Variants in TPBGL observed in about 807,000 individuals in gnomAD.
TPBGL encodes the protein trophoblast glycoprotein like, also known as trophoblast glycoprotein-like.
For missense variants in TPBGL, 685 were observed against 609.4 expected, an observed-to-expected ratio of 1.12 and a Z score of -1.31; for synonymous variants, 380 against 314.8, an observed-to-expected ratio of 1.21 and a Z score of -2.19.
In TPBGL at chr11:75,240,849, T is replaced by C; in HGVS notation, c.-201T>C. The C allele has an allele frequency of 3.1e-6, 1 of 322,774 alleles. No homozygotes were observed. The highest frequency in any genetic ancestry group is 5.4e-5 in the East Asian group (1 of 18,400). 20.0% of individuals were successfully genotyped at this position (322,774 alleles called of 1,614,324 possible). On this transcript the variant is annotated 5_prime_UTR_variant, in exon 1 of 1. Transcript: ENST00000562197. Reference sequence around the variant, plus strand: ...GGCGAGGGCACCGGGGGCGGGGGGCTCCGCTCCCCGTCTGACCCCTCTTGC... The same window carrying C: ...GGCGAGGGCACCGGGGGCGGGGGGCCCCGCTCCCCGTCTGACCCCTCTTGC...
Position 75,242,310 on chromosome 11 carries a change from A to AC in TPBGL, c.*115dup, listed in dbSNP as rs1945608284. ...CCCTGACTCGGAGGCGCTAAGCCGT[A>AC]CCCTCTCGTTCCCGCCTCCGAGAGC... is the stretch of plus-strand genomic sequence containing the variant. On this transcript the variant is annotated 3_prime_UTR_variant, in exon 1 of 1. Coordinates refer to ENST00000562197, the MANE Select transcript of TPBGL (RefSeq NM_001195528.2). 1 of 1,035,184 alleles carries AC rather than the reference A, an allele frequency of 9.7e-7. No homozygotes were observed. Among genetic ancestry groups the AC allele is most frequent in the African/African-American group, 1.7e-5 (1 of 58,154 alleles). The allele number at this position is 1,035,184 out of a possible 1,614,324, so 64.1% of individuals were successfully genotyped here.
Position 75,241,505 on chromosome 11 carries a change from G to C in TPBGL, c.456G>C (p.Ala152=). The stretch of plus-strand genomic sequence containing the variant: ...TGCGCTCGCTGCAGCTCAACCACGC[G>C]CTGGTGCGCGGCGGCCCCGCGCTGC... ...PALRSLQLNH[A]LVRGGPALLA... Residue 152 remains alanine (A), a synonymous_variant, in exon 1 of 1, where the codon GCG becomes GCC. Transcript: ENST00000562197. 6 of 1,222,760 alleles carry C rather than the reference G, an allele frequency of 4.9e-6. No homozygotes were observed. Among genetic ancestry groups the C allele is most frequent in the Non-Finnish European group, 6.1e-6 (6 of 984,020 alleles). The allele number at this position is 1,222,760 out of a possible 1,614,324, so 75.7% of individuals were successfully genotyped here.
At position 75,241,185 on chromosome 11, in the gene TPBGL, G is replaced by C; in HGVS notation, c.136G>C (p.Gly46Arg). ...GPKLLLRCAS[G>R]AELRQPPRDV... ...CAAGCTGCTGCTGCGCTGCGCGTCG[G>C]GAGCCGAGCTCCGCCAGCCTCCGCG... is the stretch of plus-strand genomic sequence containing the variant. The change falls in exon 1 of 1, where the codon GGA becomes CGA. Residue 46 changes from glycine (G) to arginine (R), a missense_variant. Physicochemically the swap from Gly to Arg is moderately radical, Grantham distance 125. Transcript: ENST00000562197. 1 of 1,452,168 alleles carries C rather than the reference G, an allele frequency of 6.9e-7. No homozygotes were observed. Among genetic ancestry groups the C allele is most frequent in the Non-Finnish European group, 9.0e-7 (1 of 1,105,108 alleles). 90.0% of individuals were successfully genotyped at this position (1,452,168 alleles called of 1,614,324 possible). A position where few individuals can be genotyped will look rare whatever the true frequency, so the allele number is the denominator to read the frequency against.
Position 75,241,449 on chromosome 11 carries a change from G to C in TPBGL, c.400G>C (p.Gly134Arg), listed in dbSNP as rs1422023985. The C allele has an allele frequency of 5.5e-6, 7 of 1,279,200 alleles. No homozygotes were observed. The highest frequency in any genetic ancestry group is 3.1e-5 in the African/African-American group (2 of 63,714). 79.2% of individuals were successfully genotyped at this position (1,279,200 alleles called of 1,614,324 possible). A position where few individuals can be genotyped will look rare whatever the true frequency, so the allele number is the denominator to read the frequency against. The part of the protein sequence containing the change: ...DLSHNPLRAL[G>R]GGAFRGLPAL... ...CAGCCACAACCCGCTGCGCGCCCTGGGCGGCGGCGCCTTCCGCGGGCTGCC... is the reference window on the plus strand; with the variant it reads ...CAGCCACAACCCGCTGCGCGCCCTGCGCGGCGGCGCCTTCCGCGGGCTGCC... The change falls in exon 1 of 1, where the codon GGC (glycine) becomes CGC (arginine). Residue 134 changes from glycine (G) to arginine (R), a missense_variant. By Grantham distance (125) the Gly-to-Arg change is moderately radical (BLOSUM62 -2). Coordinates refer to ENST00000562197, the MANE Select transcript of TPBGL (RefSeq NM_001195528.2).
In TPBGL at chr11:75,243,694, C is replaced by T. The variant is rs1945621301; in HGVS notation, c.*1496C>T. 6.6e-6 allele frequency: 1 copy of T among 152,222 alleles called. No homozygotes were observed. The highest frequency in any genetic ancestry group is 1.5e-5 in the Non-Finnish European group (1 of 68,052). The allele number at this position is 152,222 out of a possible 1,614,324, so 9.4% of individuals were successfully genotyped here. A position where few individuals can be genotyped will look rare whatever the true frequency, so the allele number is the denominator to read the frequency against. On this transcript the variant is annotated 3_prime_UTR_variant, in exon 1 of 1. Transcript: ENST00000562197. ...TTTTCTATAAAGTCTGCAATAATCT[C>T]AGATACTCTACTCTTGTTAGTGGTG...
At position 75,241,405 on chromosome 11, in the gene TPBGL, G is replaced by C; in HGVS notation, c.356G>C (p.Ser119Thr). ...VEDGAFDGLPSLAALDLSHNP... is the reference protein window; with the variant it reads ...VEDGAFDGLPTLAALDLSHNP... ...GACGGCGCCTTCGACGGGCTGCCCA[G>C]CCTGGCGGCGCTCGACCTCAGCCAC... is the stretch of plus-strand genomic sequence containing the variant. The change falls in exon 1 of 1, where the codon AGC becomes ACC. Residue 119 changes from serine (S) to threonine (T), a missense_variant. Coordinates refer to ENST00000562197, the MANE Select transcript of TPBGL (RefSeq NM_001195528.2). The C allele has an allele frequency of 1.5e-6, 2 of 1,360,858 alleles. No individual in the cohort carries two copies. Among genetic ancestry groups the C allele is most frequent in the Middle Eastern group, 2.6e-4 (1 of 3,860 alleles). 84.3% of individuals were successfully genotyped at this position (1,360,858 alleles called of 1,614,324 possible).
In TPBGL at chr11:75,241,812, C is replaced by T; in HGVS notation, c.763C>T (p.Arg255Cys). The change falls in exon 1 of 1, where the codon CGC becomes TGC. Residue 255 changes from arginine to cysteine, a missense_variant. Coordinates refer to ENST00000562197, the MANE Select transcript of TPBGL (RefSeq NM_001195528.2). ...LLAWLRNATERVPDSRRLRCA... is the reference protein window; with the variant it reads ...LLAWLRNATECVPDSRRLRCA... ...GGCCTGGCTGCGCAACGCCACGGAG[C>T]GCGTGCCCGACTCGCGGCGCCTGCG... 3 of 1,293,350 alleles carry T rather than the reference C, an allele frequency of 2.3e-6. No individual in the cohort carries two copies. Among genetic ancestry groups the T allele is most frequent in the Non-Finnish European group, 2.9e-6 (3 of 1,023,680 alleles). 80.1% of individuals were successfully genotyped at this position (1,293,350 alleles called of 1,614,324 possible).
rs1280800652 is a variant in TPBGL, at chr11:75,241,682, C to T, written c.633C>T (p.Asp211=). ...DVRLNALAGL[D]PDELRALERD... is the part of the protein sequence containing the mutation. Reference sequence around the variant, plus strand: ...GCCTCAACGCGCTGGCCGGCCTGGACCCCGACGAGCTGCGCGCGCTGGAGC... The same window carrying T: ...GCCTCAACGCGCTGGCCGGCCTGGATCCCGACGAGCTGCGCGCGCTGGAGC... The change falls in exon 1 of 1, where the codon GAC becomes GAT. Residue 211 remains aspartate, a synonymous_variant. Coordinates refer to ENST00000562197, the MANE Select transcript of TPBGL (RefSeq NM_001195528.2). 1 of 1,279,810 alleles carries T rather than the reference C, an allele frequency of 7.8e-7. No homozygotes were observed. The highest frequency in any genetic ancestry group is 9.9e-7 in the Non-Finnish European group (1 of 1,011,178). The allele number at this position is 1,279,810 out of a possible 1,614,324, so 79.3% of individuals were successfully genotyped here.
Position 75,241,748 on chromosome 11 carries a change from C to T in TPBGL, c.699C>T (p.Asp233=). The part of the protein sequence containing the change: ...GLPGPRLLLA[D]NPLRCGCAAR... ...CCGGGCCGCGCCTGCTGCTCGCCGA[C>T]AACCCCCTGCGCTGCGGCTGTGCCG... Residue 233 remains aspartate (D), a synonymous_variant, in exon 1 of 1, where the codon GAC becomes GAT. Transcript: ENST00000562197. 1 of 1,295,916 alleles carries T rather than the reference C, an allele frequency of 7.7e-7. No individual in the cohort carries two copies. The highest frequency in any genetic ancestry group is 9.8e-7 in the Non-Finnish European group (1 of 1,019,190). 80.3% of individuals were successfully genotyped at this position (1,295,916 alleles called of 1,614,324 possible). A position where few individuals can be genotyped will look rare whatever the true frequency, so the allele number is the denominator to read the frequency against.
chr11:75,241,613 G>C lies in TPBGL; in HGVS notation c.564G>C (p.Pro188=). ...CGGGCAACGCGCTGAGCCGTCTGCCGCCAGCCGCCCTGCGCCTGGCGCGCC... is the reference window on the plus strand; with the variant it reads ...CGGGCAACGCGCTGAGCCGTCTGCCCCCAGCCGCCCTGCGCCTGGCGCGCC... ...GLAGNALSRL[P]PAALRLARLE... Residue 188 remains proline (P), a synonymous_variant, in exon 1 of 1, where the codon CCG becomes CCC. Transcript: ENST00000562197. 2 of 1,314,762 alleles carry C rather than the reference G, an allele frequency of 1.5e-6. No individual in the cohort carries two copies. Among genetic ancestry groups the C allele is most frequent in the Non-Finnish European group, 2.0e-6 (2 of 1,024,200 alleles). 81.4% of individuals were successfully genotyped at this position (1,314,762 alleles called of 1,614,324 possible).
chr11:75,241,328 G>A lies in TPBGL; in HGVS notation c.279G>A (p.Leu93=), dbSNP rs1945596331. 2.2e-6 allele frequency: 3 copies of A among 1,351,182 alleles called. No individual in the cohort carries two copies. Among genetic ancestry groups the A allele is most frequent in the Middle Eastern group, 5.1e-4 (2 of 3,922 alleles). The allele number at this position is 1,351,182 out of a possible 1,614,324, so 83.7% of individuals were successfully genotyped here. Residue 93 remains leucine (L), a synonymous_variant, in exon 1 of 1, where the codon CTG becomes CTA. Transcript: ENST00000562197. The stretch of plus-strand genomic sequence containing the variant: ...GCGACCAGGCGGCGGGCGTGCGCCT[G>A]CCGCTCCTGAGCGCGCTGCGCCTCA... ...GDGDQAAGVR[L]PLLSALRLTH...
Position 75,241,231 on chromosome 11 carries a change from G to C in TPBGL, c.182G>C (p.Arg61Pro). 7.0e-7 allele frequency: 1 copy of C among 1,437,546 alleles called. No homozygotes were observed. Among genetic ancestry groups the C allele is most frequent in the East Asian group, 3.1e-5 (1 of 31,904 alleles). The allele number at this position is 1,437,546 out of a possible 1,614,324, so 89.0% of individuals were successfully genotyped here. Residue 61 changes from arginine (R) to proline (P), a missense_variant, in exon 1 of 1, where the codon CGC becomes CCC. By Grantham distance (103) the Arg-to-Pro change is moderately radical. Coordinates refer to ENST00000562197, the MANE Select transcript of TPBGL (RefSeq NM_001195528.2). The stretch of plus-strand genomic sequence containing the variant: ...CCGCGGGACGTGCCGCCCGACGCGC[G>C]CAACCTCACCATCGTAGGCGCCAAC... ...QPPRDVPPDA[R>P]NLTIVGANLT...
In TPBGL at chr11:75,242,423, A is replaced by C; in HGVS notation, c.*225A>C. 2 of 338,650 alleles carry C rather than the reference A, an allele frequency of 5.9e-6. No individual in the cohort carries two copies. The highest frequency in any genetic ancestry group is 8.6e-6 in the Non-Finnish European group (2 of 232,976). 21.0% of individuals were successfully genotyped at this position (338,650 alleles called of 1,614,324 possible). A position where few individuals can be genotyped will look rare whatever the true frequency, so the allele number is the denominator to read the frequency against. On this transcript the variant is annotated 3_prime_UTR_variant, in exon 1 of 1. Coordinates refer to ENST00000562197, the MANE Select transcript of TPBGL (RefSeq NM_001195528.2). ...GTTTCCGAAACCTCCCTCCTGAACC[A>C]CTGAAAGTCCGTTCCCCGTCTCGGA...
In TPBGL at chr11:75,243,180, T is replaced by G. The variant is rs2140371606; in HGVS notation, c.*982T>G. On this transcript the variant is annotated 3_prime_UTR_variant, in exon 1 of 1. Coordinates refer to ENST00000562197, the MANE Select transcript of TPBGL (RefSeq NM_001195528.2). ...AGGTGCAGGTGCCATGCACCCCTAG[T>G]GCATACTGGCAGATCCTTGTAGGGA... 1 of 152,410 alleles carries G rather than the reference T, an allele frequency of 6.6e-6. No homozygotes were observed. Among genetic ancestry groups the G allele is most frequent in the Non-Finnish European group, 1.5e-5 (1 of 68,112 alleles). The allele number at this position is 152,410 out of a possible 1,614,324, so 9.4% of individuals were successfully genotyped here. A position where few individuals can be genotyped will look rare whatever the true frequency, so the allele number is the denominator to read the frequency against.
chr11:75,241,777 G>C lies in TPBGL; in HGVS notation c.728G>C (p.Arg243Pro). 1 of 1,312,840 alleles carries C rather than the reference G, an allele frequency of 7.6e-7. No homozygotes were observed. The allele number at this position is 1,312,840 out of a possible 1,614,324, so 81.3% of individuals were successfully genotyped here. Reference protein sequence around the residue: ...DNPLRCGCAARPLLAWLRNAT... With the variant: ...DNPLRCGCAAPPLLAWLRNAT... ...CCCCTGCGCTGCGGCTGTGCCGCAC[G>C]CCCCCTGCTGGCCTGGCTGCGCAAC... is the stretch of plus-strand genomic sequence containing the variant. The change falls in exon 1 of 1, where the codon CGC becomes CCC. Residue 243 changes from arginine (R) to proline (P), a missense_variant. Physicochemically the swap from Arg to Pro is moderately radical, Grantham distance 103. Transcript: ENST00000562197.
rs1363555716 is a variant in TPBGL, at chr11:75,241,262, G to A, written c.213G>A (p.Thr71=). The change falls in exon 1 of 1, where the codon ACG becomes ACA. Residue 71 remains threonine, a synonymous_variant. Coordinates refer to ENST00000562197, the MANE Select transcript of TPBGL (RefSeq NM_001195528.2). ...RNLTIVGANL[T]VLRAAAFAGG... ...TCACCATCGTAGGCGCCAACCTGAC[G>A]GTGCTGCGCGCGGCCGCCTTCGCCG... 7.3e-7 allele frequency: 1 copy of A among 1,369,934 alleles called. No individual in the cohort carries two copies. Among genetic ancestry groups the A allele is most frequent in the African/African-American group, 1.5e-5 (1 of 65,288 alleles). 84.9% of individuals were successfully genotyped at this position (1,369,934 alleles called of 1,614,324 possible).
Position 75,242,251 on chromosome 11 carries a change from G to A in TPBGL, c.*53G>A. 1 of 1,077,084 alleles carries A rather than the reference G, an allele frequency of 9.3e-7. No individual in the cohort carries two copies. The highest frequency in any genetic ancestry group is 1.1e-6 in the Non-Finnish European group (1 of 890,726). The allele number at this position is 1,077,084 out of a possible 1,614,324, so 66.7% of individuals were successfully genotyped here. A position where few individuals can be genotyped will look rare whatever the true frequency, so the allele number is the denominator to read the frequency against. On this transcript the variant is annotated 3_prime_UTR_variant, in exon 1 of 1. Coordinates refer to ENST00000562197, the MANE Select transcript of TPBGL (RefSeq NM_001195528.2). Reference sequence around the variant, plus strand: ...TTGCCTGGCCCGAAGCCGTGGAGATGAGACACCCGCGAGCCCCGAGCTCTG... The same window carrying A: ...TTGCCTGGCCCGAAGCCGTGGAGATAAGACACCCGCGAGCCCCGAGCTCTG...
Position 75,240,977 on chromosome 11 carries a change from G to A in TPBGL, c.-73G>A. On this transcript the variant is annotated 5_prime_UTR_variant, in exon 1 of 1. The change creates a new upstream start codon in the 5' untranslated region. Coordinates refer to ENST00000562197, the MANE Select transcript of TPBGL (RefSeq NM_001195528.2). Reference sequence around the variant, plus strand: ...TCCGGGTCAAGGACTCGCCCCACCCGTGCCCCCCACCAGGCGCTCCCAACT... The same window carrying A: ...TCCGGGTCAAGGACTCGCCCCACCCATGCCCCCCACCAGGCGCTCCCAACT... 6.3e-6 allele frequency: 7 copies of A among 1,103,464 alleles called. No homozygotes were observed. The highest frequency in any genetic ancestry group is 7.9e-6 in the Non-Finnish European group (7 of 882,878). 68.4% of individuals were successfully genotyped at this position (1,103,464 alleles called of 1,614,324 possible).
chr11:75,241,066 G>T lies in TPBGL; in HGVS notation c.17G>T (p.Gly6Val). The T allele has an allele frequency of 7.9e-7, 1 of 1,270,518 alleles. No individual in the cohort carries two copies. The highest frequency in any genetic ancestry group is 2.6e-5 in the South Asian group (1 of 37,932). The allele number at this position is 1,270,518 out of a possible 1,614,324, so 78.7% of individuals were successfully genotyped here. MAPRA[G>V]QPGLQGLLLV... is the part of the protein sequence containing the mutation. The stretch of plus-strand genomic sequence containing the variant: ...GCGGCCGCGATGGCCCCGCGCGCGG[G>T]ACAGCCGGGGCTCCAGGGGCTGCTG... Residue 6 changes from glycine (G) to valine (V), a missense_variant, in exon 1 of 1, where the codon GGA (glycine) becomes GTA (valine). Coordinates refer to ENST00000562197, the MANE Select transcript of TPBGL (RefSeq NM_001195528.2).
Sources: allele counts gnomAD v4.1 joint callset, GRCh38; gene constraint gnomAD v4.1.1; transcripts MANE v1.5; gene names NCBI Gene and HGNC (gene_info 2026-07-23, HGNC 2026-07-21).